Variants in MAGI2 observed in about 807,000 individuals in gnomAD.
MAGI2 encodes membrane-associated guanylate kinase, WW and PDZ domain-containing protein 2.
Under a neutral mutation model 133.3 loss-of-function variants are expected in MAGI2, and 35 were observed. That is an observed-to-expected ratio of 0.26 (90% CI 0.20 to 0.35). The LOEUF is 0.35. Ranked by LOEUF, MAGI2 falls within the 10% of genes least tolerant of loss-of-function variation. The probability of loss-of-function intolerance (pLI) is 1.00; values close to 1 mark genes in which losing one functional copy is unlikely to be tolerated. For missense variants in MAGI2, 1,636 were observed against 1,863.4 expected (o/e 0.88, Z 2.25); for synonymous variants, 729 against 710.6 (o/e 1.03, Z -0.41).
intron 3 of MAGI2, among the ~76,000 whole-genome samples, chr7:78,533,097 A>G (rs1192411168): frequency 2.6e-5 from 4 of 152,102 alleles, no homozygotes; most frequent in Non-Finnish European, 4.4e-5. Flanking sequence ...GCCCACCACC[A>G]CACCCGGCTA....
At chr7:79,400,827 A>G (rs1845417503) in intron 1 of MAGI2, among the ~76,000 whole-genome samples, 1 of 152,040 alleles carries the variant, frequency 6.6e-6, no homozygotes, top group African/African-American at 2.4e-5. Context: ...TGTTCTACAT[A>G]CTATATGTTG....
intron 21 of MAGI2, among the ~76,000 whole-genome samples, chr7:78,062,720 A>G (rs148763638): frequency 4.6e-5 from 7 of 152,114 alleles, no homozygotes; most frequent in South Asian, 2.1e-4. Context: ...GGACTCCCCA[A>G]ATGCTCCGGC....
intron 2 of MAGI2, among the ~76,000 whole-genome samples, chr7:78,687,016 G>A (rs1028007596): frequency 1.3e-5 from 2 of 152,140 alleles, no homozygotes; most frequent in African/African-American, 4.8e-5. Flanking sequence ...TCCAAACGTT[G>A]TTACTCAGTC....
chr7:79,383,652 T>C (rs1430593781), intron 1 of MAGI2, among the ~76,000 whole-genome samples: 1 of 151,582 alleles, frequency 6.6e-6, no homozygotes. Context: ...ATGTTGTTAA[T>C]ATTAAACAAT....
chr7:78,939,313 T>C (rs1266282203), intron 2 of MAGI2, among the ~76,000 whole-genome samples: 4 of 152,116 alleles, frequency 2.6e-5, no homozygotes, highest in Non-Finnish European at 5.9e-5. Context: ...ATTTTAGATA[T>C]AGACATCAGG....
At chr7:78,747,824 C>T (rs936046046) in intron 2 of MAGI2, among the ~76,000 whole-genome samples, 5 of 152,120 alleles carry the variant, frequency 3.3e-5, no homozygotes, top group Non-Finnish European at 7.4e-5. Flanking sequence ...CTGCCAAAGG[C>T]TTTCATGGGA....
At chr7:79,045,649 G>A (rs1029895337) in intron 1 of MAGI2, among the ~76,000 whole-genome samples, 3 of 152,046 alleles carry the variant, frequency 2.0e-5, no homozygotes, top group Non-Finnish European at 2.9e-5. Context: ...AAAATTAGCC[G>A]GGCCTGGTGG....
intron 9 of MAGI2, among the ~76,000 whole-genome samples, chr7:78,277,227 TG>T: frequency 6.6e-6 from 1 of 152,304 alleles, no homozygotes; most frequent in East Asian, 1.9e-4. Context: ...TAGTAAACTA[TG>T]ATTTAGCAAG....
intron 2 of MAGI2, among the ~76,000 whole-genome samples, chr7:78,973,226 A>G (rs1803941779): frequency 6.6e-6 from 1 of 151,862 alleles, no homozygotes; most frequent in Non-Finnish European, 1.5e-5. Flanking sequence ...AAAGCACACA[A>G]TTAGATTTTC....
chr7:78,959,150 A>T (rs892120791), intron 2 of MAGI2, among the ~76,000 whole-genome samples: 4 of 152,096 alleles, frequency 2.6e-5, no homozygotes, highest in Non-Finnish European at 4.4e-5. Flanking sequence ...TACATCATTT[A>T]TGTGTTCATA....
At chr7:79,339,458 G>GTTTTTTTTT (rs1474615393) in intron 1 of MAGI2, among the ~76,000 whole-genome samples, 1 of 103,394 alleles carries the variant, frequency 9.7e-6, no homozygotes, top group African/African-American at 5.4e-5. Context: ...GTTTGTTTTT[G>GTTTTTTTTT]TTTTTGTTTT....
intron 1 of MAGI2, among the ~76,000 whole-genome samples, chr7:79,016,007 G>A (rs560486383): frequency 2.6e-5 from 3 of 116,528 alleles, no homozygotes; most frequent in Non-Finnish European, 3.7e-5. Flanking sequence ...GCGGGGGGGG[G>A]GGGTGGGGGT....
intron 2 of MAGI2, 53 bp downstream of exon 2, chr7:79,007,037 G>T: frequency 2.3e-6 from 3 of 1,280,624 alleles, no homozygotes; most frequent in Non-Finnish European, 3.3e-6. Context: ...TGAATATATA[G>T]CTAAACATTT....
intron 1 of MAGI2, among the ~76,000 whole-genome samples, chr7:79,076,239 A>G (rs1369903016): frequency 6.6e-6 from 1 of 152,216 alleles, no homozygotes; most frequent in African/African-American, 2.4e-5. Context: ...CTCTGAACCA[A>G]GTACCTAGGT....
chr7:78,385,655 A>C (rs1359198307), intron 6 of MAGI2, among the ~76,000 whole-genome samples: 1 of 152,122 alleles, frequency 6.6e-6, no homozygotes, highest in Non-Finnish European at 1.5e-5. Flanking sequence ...TCCTCTCTAG[A>C]TTATTTTGGA....
chr7:78,888,377 A>T (rs1000722709), intron 2 of MAGI2, among the ~76,000 whole-genome samples: 3 of 152,174 alleles, frequency 2.0e-5, no homozygotes, highest in Non-Finnish European at 2.9e-5. Context: ...CTTTGAAGAG[A>T]GTAGCGGTTC....
chr7:78,221,165 G>A (rs1788790861), intron 10 of MAGI2, among the ~76,000 whole-genome samples: 1 of 152,094 alleles, frequency 6.6e-6, no homozygotes. Context: ...TCCCATCTAT[G>A]GCTTTGTCAG....
At chr7:79,215,321 G>C (rs1023155526) in intron 1 of MAGI2, among the ~76,000 whole-genome samples, 1 of 151,944 alleles carries the variant, frequency 6.6e-6, no homozygotes, top group Non-Finnish European at 1.5e-5. Context: ...AAATGGCCCC[G>C]CAAAACTGTC....
At chr7:79,126,316 G>T (rs935450039) in intron 1 of MAGI2, among the ~76,000 whole-genome samples, 1 of 152,068 alleles carries the variant, frequency 6.6e-6, no homozygotes, top group Non-Finnish European at 1.5e-5. Flanking sequence ...CATTTATATG[G>T]TTATGGTGGG....
Sources: allele counts gnomAD v4.1 joint callset (sites outside exome capture counted in the v4.1 genomes callset), GRCh38; gene constraint gnomAD v4.1.1; transcripts MANE v1.5; gene names NCBI Gene and HGNC (gene_info 2026-07-23, HGNC 2026-07-21).